PPP1R12B: variants seen among roughly 807,000 people sequenced by gnomAD.
The protein encoded by PPP1R12B is myosin phosphatase target subunit 2.
A neutral mutation model predicts 126.1 loss-of-function variants in PPP1R12B; 76 were observed. The observed-to-expected ratio is 0.60, with a 90% CI of 0.50 to 0.73. The LOEUF (loss-of-function observed/expected upper bound fraction) is 0.73. Ranked by LOEUF, PPP1R12B falls within the 30% of genes least tolerant of loss-of-function variation. The pLI is 0.00. For synonymous variants in PPP1R12B, 356 were observed against 434.7 expected, an observed-to-expected ratio of 0.82 and a Z score of 2.25; for missense variants, 1,052 against 1,205.1, an observed-to-expected ratio of 0.87 and a Z score of 1.88.
At chr1:202,539,218 G>C (rs2148958235) in intron 18 of PPP1R12B, among the ~76,000 whole-genome samples, 1 of 152,286 alleles carries the variant, frequency 6.6e-6, no homozygotes, top group South Asian at 2.1e-4. Context: ...CCTACTCTGA[G>C]GCAGGGGACA....
At chr1:202,510,951 T>C (rs1233832930) in intron 18 of PPP1R12B, among the ~76,000 whole-genome samples, 2 of 146,376 alleles carry the variant, frequency 1.4e-5, no homozygotes, top group Non-Finnish European at 3.0e-5. Flanking sequence ...ATAATATAAT[T>C]TATATGTATT....
chr1:202,486,713 C>T (rs994119452), intron 13 of PPP1R12B, among the ~76,000 whole-genome samples: 4 of 152,168 alleles, frequency 2.6e-5, no homozygotes, highest in East Asian at 1.9e-4. Flanking sequence ...AAGGCTGAGG[C>T]GGGAAAATCG....
At position 202,431,528 on chromosome 1, in the gene PPP1R12B, G is replaced by A. The variant is rs1670177296; in HGVS notation, c.1050G>A (p.Met350Ile). 11 of 1,613,334 alleles carry A rather than the reference G, an allele frequency of 6.8e-6. No homozygotes were observed. The highest frequency in any genetic ancestry group is 8.5e-6 in the Non-Finnish European group (10 of 1,179,710). Residue 350 changes from methionine (M) to isoleucine (I), a missense_variant, in exon 8 of 24, where the codon ATG (methionine) becomes ATA (isoleucine). Transcript: ENST00000608999. ...AGGAGACACCTAAGTCCCAAGAAAT[G>A]GAGGAAGAAAATAAAGAATCTAGTA... ...YEEETPKSQE[M>I]EEENKESSSS...
In PPP1R12B at chr1:202,493,136, A is replaced by G. The variant is rs1282968251; in HGVS notation, c.1964A>G (p.Gln655Arg). Reference sequence around the variant, plus strand: ...CAGGGTGTCACCCTAACAGACCTTCAAGAAGCAGAAAGGACATTCAGCCGG... The same window carrying G: ...CAGGGTGTCACCCTAACAGACCTTCGAGAAGCAGAAAGGACATTCAGCCGG... ...STQGVTLTDL[Q>R]EAERTFSRSR... The change falls in exon 15 of 24, where the codon CAA becomes CGA. Residue 655 changes from glutamine to arginine, a missense_variant. Coordinates refer to ENST00000608999, the MANE Select transcript of PPP1R12B (RefSeq NM_002481.4). The G allele has an allele frequency of 6.2e-7, 1 of 1,612,026 alleles. No homozygotes were observed. The highest frequency in any genetic ancestry group is 8.5e-7 in the Non-Finnish European group (1 of 1,179,822).
At chr1:202,378,362 A>G (rs1484600941) in intron 1 of PPP1R12B, among the ~76,000 whole-genome samples, 1 of 150,960 alleles carries the variant, frequency 6.6e-6, no homozygotes, top group South Asian at 2.1e-4. Flanking sequence ...TTCTCTTCAA[A>G]TTCTCCTTAA....
At chr1:202,532,033 C>T (rs1219291507) in intron 18 of PPP1R12B, among the ~76,000 whole-genome samples, 1 of 152,150 alleles carries the variant, frequency 6.6e-6, no homozygotes, top group Non-Finnish European at 1.5e-5. Flanking sequence ...ATGGTTACTT[C>T]TTGATTATAT....
chr1:202,371,732 T>A (rs754144437), intron 1 of PPP1R12B, among the ~76,000 whole-genome samples: 38 of 152,114 alleles, frequency 2.5e-4, no homozygotes, highest in Non-Finnish European at 7.4e-5. Flanking sequence ...AGAGAGAGAG[T>A]ATTTGTATAC....
intron 1 of PPP1R12B, among the ~76,000 whole-genome samples, chr1:202,375,358 G>A (rs1299888956): frequency 1.3e-5 from 2 of 152,152 alleles, no homozygotes; most frequent in Non-Finnish European, 1.5e-5. Context: ...TGTTGTTCCC[G>A]TTTTTGAATT....
At chr1:202,384,553 AG>A (rs1662828991) in intron 1 of PPP1R12B, among the ~76,000 whole-genome samples, 1 of 152,204 alleles carries the variant, frequency 6.6e-6, no homozygotes, top group Non-Finnish European at 1.5e-5. Context: ...GCTTGGGGGA[AG>A]GGGTGAGTGG....
intron 18 of PPP1R12B, among the ~76,000 whole-genome samples, chr1:202,558,006 G>C (rs539892096): frequency 1.3e-5 from 2 of 152,222 alleles, no homozygotes; most frequent in South Asian, 2.1e-4. Context: ...TATCCATTTT[G>C]TAGATTATTG....
chr1:202,464,393 T>C (rs531839891), intron 13 of PPP1R12B, among the ~76,000 whole-genome samples: 1 of 152,324 alleles, frequency 6.6e-6, no homozygotes, highest in East Asian at 1.9e-4. Context: ...CGTCTATTGA[T>C]CTACTTGAGT....
In PPP1R12B at chr1:202,585,794, G is replaced by A. The variant is rs1156657631; in HGVS notation, c.*5234G>A. 2 of 152,210 alleles carry A rather than the reference G, an allele frequency of 1.3e-5. No homozygotes were observed. The highest frequency in any genetic ancestry group is 4.8e-5 in the African/African-American group (2 of 41,446). 9.4% of individuals were successfully genotyped at this position (152,210 alleles called of 1,614,324 possible). On this transcript the variant is annotated 3_prime_UTR_variant, in exon 24 of 24. Coordinates refer to ENST00000608999, the MANE Select transcript of PPP1R12B (RefSeq NM_002481.4). ...TGGTAAGAATATTAAAGCCTGCAGA[G>A]GTGGAAATTGGAGCTCATGGAGAAA...
chr1:202,563,212 G>C, intron 20 of PPP1R12B, among the ~76,000 whole-genome samples: 1 of 152,138 alleles, frequency 6.6e-6, no homozygotes, highest in East Asian at 1.9e-4. Context: ...AAACTCCTGG[G>C]TTCATAGGGT....
rs1217970396 is a variant in PPP1R12B at position 202,349,089 on chromosome 1, A to G, written c.238A>G (p.Arg80Gly). The change falls in exon 1 of 24, where the codon AGA becomes GGA. Residue 80 changes from arginine to glycine, a missense_variant. Arg to Gly is a moderately radical substitution (Grantham distance 125). Transcript: ENST00000608999. ...CGACGAGGTGAGAAAGCTTCTGGCAAGAGGTGCTGATATCAACACGGTCAA... is the reference window on the plus strand; with the variant it reads ...CGACGAGGTGAGAAAGCTTCTGGCAGGAGGTGCTGATATCAACACGGTCAA... ...DTDEVRKLLA[R>G]GADINTVNVD... 2.5e-6 allele frequency: 4 copies of G among 1,614,146 alleles called. No individual in the cohort carries two copies. The South Asian group carries it at 3.3e-5, about 13-fold the overall frequency.
chr1:202,411,390 A>G (rs1667369502), intron 1 of PPP1R12B, among the ~76,000 whole-genome samples: 1 of 152,038 alleles, frequency 6.6e-6, no homozygotes, highest in South Asian at 2.1e-4. Context: ...AACTGGGTGC[A>G]TACTATTTTA....
chr1:202,410,232 C>G (rs1328796273), intron 1 of PPP1R12B: 1 of 152,086 alleles, frequency 6.6e-6, no homozygotes, highest in Admixed American at 6.6e-5. Flanking sequence ...GTATTTTCTC[C>G]CACTCTATGG....
intron 1 of PPP1R12B, among the ~76,000 whole-genome samples, chr1:202,380,637 T>C (rs755038144): frequency 1.3e-5 from 2 of 152,206 alleles, no homozygotes; most frequent in Non-Finnish European, 2.9e-5. Flanking sequence ...TCAGTGTCAA[T>C]AGATACCTTC....
At chr1:202,507,411 C>G (rs145917257) in intron 18 of PPP1R12B, among the ~76,000 whole-genome samples, 2,048 of 152,052 alleles carry the variant, frequency 0.013, 10 homozygotes, top group Non-Finnish European at 0.022. Flanking sequence ...AGTTTTATAT[C>G]AGTGATTTTT....
Position 202,555,712 on chromosome 1 carries a change from A to G in PPP1R12B, c.2491-3165A>G, listed in dbSNP as rs186360302. On this transcript the variant is annotated intron_variant, in intron 18 of 23. Transcript: ENST00000608999. ...AGAGTGTCAAGAATGCTACCCCCAT[A>G]TGAAGGGTATAGTTTGAAGGCTGTT... Among the ~76,000 whole-genome samples the G allele has an allele frequency of 2.9e-3, 447 of 152,092 alleles. 1 individual carries two copies. The highest frequency in any genetic ancestry group is 6.3e-3 in the Admixed American group (97 of 15,288).
Sources: gnomAD v4.1 joint callset for allele counts (sites outside exome capture counted in the v4.1 genomes callset) on GRCh38, gnomAD v4.1.1 for gene constraint, MANE v1.5 for transcripts, NCBI Gene and HGNC (gene_info 2026-07-23, HGNC 2026-07-21) for gene names.